Variants in TRRAP observed in about 807,000 individuals in gnomAD.
The protein encoded by TRRAP is transformation/transcription domain associated protein.
A neutral mutation model predicts 438.8 loss-of-function variants in TRRAP; 41 were observed. That is an observed-to-expected ratio of 0.09 (90% CI 0.07 to 0.12). TRRAP has a LOEUF of 0.12. TRRAP is among the 10% of genes least tolerant of loss of function. TRRAP has a pLI of 1.00. For synonymous variants in TRRAP, 1,994 were observed against 1,962.9 expected, an observed-to-expected ratio of 1.02 and a Z score of -0.42; for missense variants, 3,122 against 5,055.1, an observed-to-expected ratio of 0.62 and a Z score of 11.60.
intron 65 of TRRAP, 41 bp from the exon 66 acceptor site, chr7:98,993,497 C>A: frequency 6.3e-7 from 1 of 1,597,128 alleles, no homozygotes. Flanking sequence ...TGGCGTCTGT[C>A]GGTTTTGCGC....
intron 44 of TRRAP, 148 bp from the exon 45 acceptor site, chr7:98,959,196 T>C (rs1280993485): frequency 2.8e-6 from 3 of 1,070,360 alleles, no homozygotes; most frequent in Non-Finnish European, 4.0e-6. Flanking sequence ...TGTCCAGCTG[T>C]GTGGAGGTCA....
chr7:98,897,903 C>T (rs575984693), intron 8 of TRRAP, 37 bp downstream of exon 8: 1 of 1,611,306 alleles, frequency 6.2e-7, no homozygotes, highest in African/African-American at 1.3e-5. Context: ...CCCGTGGCTC[C>T]TGTAGTTTCG....
Position 98,922,173 on chromosome 7 carries a change from G to T in TRRAP, c.2823+220G>T, listed in dbSNP as rs572077283. 1.8e-4 allele frequency among the ~76,000 whole-genome samples: 27 copies of T among 152,176 alleles called. No homozygotes were observed. The South Asian group carries it at 3.5e-3, about 20-fold the overall frequency. ...GTACTCTGGAGCAGCCCCCTCTCCTGGTGACCAAGAGGAGATGCCAGCCCA... is the reference window on the plus strand; with the variant it reads ...GTACTCTGGAGCAGCCCCCTCTCCTTGTGACCAAGAGGAGATGCCAGCCCA... On this transcript the variant is annotated intron_variant, in intron 21 of 72. Transcript: ENST00000456197.
chr7:98,905,681 A>T (rs1796694005), intron 12 of TRRAP, among the ~76,000 whole-genome samples: 1 of 152,238 alleles, frequency 6.6e-6, no homozygotes, highest in African/African-American at 2.4e-5. Flanking sequence ...GGGAATGCAG[A>T]ACCGTAACCT....
intron 45 of TRRAP, among the ~76,000 whole-genome samples, chr7:98,960,759 T>G (rs1026098440): frequency 3.2e-4 from 47 of 144,934 alleles, no homozygotes; most frequent in African/African-American, 1.0e-3. Context: ...GCCTGGCTTT[T>G]TGTGTGTGTG....
rs1174499284 is a variant in TRRAP at position 98,949,307 on chromosome 7, GAGATTTAGAAAGATTTTTAAA to G, written c.4789-93_4789-73del. On this transcript the variant is annotated intron_variant, in intron 35 of 72. Transcript: ENST00000456197. ...TGCTTTTTTGGTAAGCCTTCTTTGA[GAGATTTAGAAAGATTTTTAAA>G]AGATTTAGAAAGATTTAACATTCAT... The G allele has an allele frequency of 2.4e-6, 3 of 1,267,962 alleles. No homozygotes were observed. The African/African-American group carries it at 4.7e-5, about 20-fold the overall frequency. The allele number at this position is 1,267,962 out of a possible 1,614,324, so 78.5% of individuals were successfully genotyped here. A position where few individuals can be genotyped will look rare whatever the true frequency, so the allele number is the denominator to read the frequency against.
In TRRAP at chr7:98,950,200, G is replaced by T; in HGVS notation, c.5272G>T (p.Ala1758Ser). The change falls in exon 38 of 73, where the codon GCC becomes TCC. Residue 1758 changes from alanine to serine, a missense_variant. Physicochemically the swap from Ala to Ser is moderately conservative, Grantham distance 99. Coordinates refer to ENST00000456197, the MANE Select transcript of TRRAP (RefSeq NM_001375524.1). ...PKNYSIAQKR[A>S]LFFRFVDFND... ...AAATTACAGCATCGCTCAGAAACGT[G>T]CCCTGTTCTTTCGCTTTGTAGACTT... 6.2e-7 allele frequency: 1 copy of T among 1,614,210 alleles called. No homozygotes were observed. The highest frequency in any genetic ancestry group is 1.6e-4 in the Middle Eastern group (1 of 6,062).
intron 20 of TRRAP, among the ~76,000 whole-genome samples, chr7:98,920,272 A>G: frequency 6.6e-6 from 1 of 152,070 alleles, no homozygotes; most frequent in Non-Finnish European, 1.5e-5. Flanking sequence ...GGAGTTCAAG[A>G]CCAGCCTGGC....
chr7:98,950,784 G>T, intron 38 of TRRAP, 92 bp from the exon 39 acceptor site: 1 of 1,403,070 alleles, frequency 7.1e-7, no homozygotes, highest in Non-Finnish European at 9.3e-7. Context: ...ACTTGATGGT[G>T]TGCTAAGGCC....
Position 98,948,310 on chromosome 7 carries a change from C to T in TRRAP, c.4638C>T (p.Val1546=). The change falls in exon 34 of 73, where the codon GTC becomes GTT. Residue 1546 remains valine, a synonymous_variant. Coordinates refer to ENST00000456197, the MANE Select transcript of TRRAP (RefSeq NM_001375524.1). The surrounding 1 kb of genome is among the most constrained non-coding windows in gnomAD (Gnocchi z 4.9). ...TGGTGAAGCCTTTGCTAGAGGTTGT[C>T]ATGAAAACGGAGCGGGCGATGCTGA... The part of the protein sequence containing the change: ...QTLVKPLLEV[V]MKTERAMLIE... The T allele has an allele frequency of 6.2e-7, 1 of 1,614,188 alleles. No individual in the cohort carries two copies. Among genetic ancestry groups the T allele is most frequent in the Non-Finnish European group, 8.5e-7 (1 of 1,180,030 alleles).
intron 49 of TRRAP, among the ~76,000 whole-genome samples, chr7:98,966,759 A>T (rs745412308): frequency 6.6e-6 from 1 of 152,168 alleles, no homozygotes; most frequent in Non-Finnish European, 1.5e-5. Context: ...ATAATACTTA[A>T]AGTAAAAGTA....
Position 98,994,518 on chromosome 7 carries a change from G to T in TRRAP, c.10048-69G>T. The T allele has an allele frequency of 6.3e-7, 1 of 1,598,342 alleles. No homozygotes were observed. Among genetic ancestry groups the T allele is most frequent in the Admixed American group, 1.7e-5 (1 of 59,344 alleles). ...GGGCTGGGAGGGCCGCACTCAATAG[G>T]CGCTTTTGGCTGCTGGTTCTGGAGT... On this transcript the variant is annotated intron_variant, in intron 66 of 72. Transcript: ENST00000456197. This position sits in a 1 kb window ranked among gnomAD's most constrained non-coding sequence, Gnocchi z 4.8.
Position 98,976,768 on chromosome 7 carries a change from C to A in TRRAP, c.8245C>A (p.Gln2749Lys). The A allele has an allele frequency of 6.2e-7, 1 of 1,612,448 alleles. No homozygotes were observed. Among genetic ancestry groups the A allele is most frequent in the South Asian group, 1.1e-5 (1 of 91,052 alleles). ...GCAGGAGAGCATCACCCCGCCGCAG[C>A]AGGTGAGGGTGCGCCTCAGTTTGTT... Reference protein sequence around the residue: ...YEQESITPPQQEILDSLAELY... With the variant: ...YEQESITPPQKEILDSLAELY... The change falls in exon 55 of 73, where the codon CAG becomes AAG. Residue 2749 changes from glutamine to lysine, a missense_variant and splice_region_variant. By Grantham distance (53) the Gln-to-Lys change is moderately conservative. This residue lies in a region of TRRAP where 992 missense variants were observed against 1,281.2 expected (regional missense o/e 0.77). Transcript: ENST00000456197. This position sits in a 1 kb window ranked among gnomAD's most constrained non-coding sequence, Gnocchi z 4.6.
rs1210796142 is a variant in TRRAP, at chr7:98,900,021, A to G, written c.800+254A>G. On this transcript the variant is annotated intron_variant, in intron 10 of 72. Transcript: ENST00000456197. ...AATGTCGTCAGGCATTACCGTGCTC[A>G]ATGACAGCTATGGCATGTCCAAGCC... Among the ~76,000 whole-genome samples, 3 of 152,216 alleles carry G rather than the reference A, an allele frequency of 2.0e-5. No individual in the cohort carries two copies. The East Asian group carries it at 5.8e-4, about 29-fold the overall frequency.
At chr7:98,968,316 G>A (rs146144135) in intron 51 of TRRAP, among the ~76,000 whole-genome samples, 3,041 of 152,238 alleles carry the variant, frequency 0.02, 51 homozygotes, top group Non-Finnish European at 0.029. Flanking sequence ...ACCATGCCTG[G>A]CCCCCATCAT....
intron 67 of TRRAP, among the ~76,000 whole-genome samples, chr7:99,002,437 T>C (rs142257073): frequency 6.6e-6 from 1 of 152,336 alleles, no homozygotes; most frequent in Non-Finnish European, 1.5e-5. Context: ...CTGTATATTT[T>C]GTTTGCATCC....
chr7:98,935,850 C>T (rs901096848), intron 28 of TRRAP, among the ~76,000 whole-genome samples, 175 bp downstream of exon 28: 8 of 152,076 alleles, frequency 5.3e-5, no homozygotes, highest in Non-Finnish European at 1.2e-4. Flanking sequence ...TAATGAGATG[C>T]CATAAAATTA....
intron 13 of TRRAP, 64 bp downstream of exon 13, chr7:98,906,319 C>T (rs1198830534): frequency 7.4e-7 from 1 of 1,353,846 alleles, no homozygotes; most frequent in Non-Finnish European, 1.0e-6. Flanking sequence ...ACTGGCACTT[C>T]ATGTTACAAG....
intron 6 of TRRAP, among the ~76,000 whole-genome samples, chr7:98,894,870 A>G (rs1290274157): frequency 1.4e-5 from 2 of 140,276 alleles, no homozygotes; most frequent in Non-Finnish European, 3.0e-5. Context: ...TCCTGACCTC[A>G]TGTGATCCGC....
Sources: gnomAD v4.1 joint callset for allele counts (sites outside exome capture counted in the v4.1 genomes callset) on GRCh38, gnomAD v4.1.1 for gene constraint, gnomAD v4.1.1 regional missense constraint, Gnocchi (gnomAD v3.1) non-coding constraint, MANE v1.5 for transcripts, NCBI Gene and HGNC (gene_info 2026-07-23, HGNC 2026-07-21) for gene names.